The following UBR3 variants were observed in gnomAD, a reference collection of about 807,000 sequenced individuals.
The protein encoded by UBR3 is ubiquitin protein ligase E3 component n-recognin 3.
In UBR3, 85 loss-of-function variants were observed where a neutral mutation model predicts 243.2. That is an observed-to-expected ratio of 0.35 (90% confidence interval 0.29 to 0.42). UBR3 has a LOEUF of 0.42. UBR3 is among the 10% of genes least tolerant of loss of function. The pLI is 1.00. For synonymous variants in UBR3, 748 were observed against 799.8 expected, an observed-to-expected ratio of 0.94 and a Z score of 1.09; for missense variants, 1,686 against 2,300.8, an observed-to-expected ratio of 0.73 and a Z score of 5.47.
At chr2:169,902,004 G>A (rs949670337) in intron 8 of UBR3, among the ~76,000 whole-genome samples, 5 of 152,132 alleles carry the variant, frequency 3.3e-5, no homozygotes, top group East Asian at 1.9e-4. Flanking sequence ...TGTCCATAGC[G>A]AAGACTCATT....
chr2:169,902,337 A>G (rs1574159879), intron 8 of UBR3, among the ~76,000 whole-genome samples: 1 of 152,030 alleles, frequency 6.6e-6, no homozygotes, highest in East Asian at 1.9e-4. Context: ...TTTACATTAC[A>G]CTTCTTATAA....
chr2:170,008,709 T>A (rs1312096325), intron 28 of UBR3, 95 bp from the exon 29 acceptor site: 1 of 630,198 alleles, frequency 1.6e-6, no homozygotes, highest in Admixed American at 3.5e-5. Flanking sequence ...TAATTTTAAT[T>A]TCCTACTATG....
intron 11 of UBR3, among the ~76,000 whole-genome samples, chr2:169,921,987 A>G (rs111614730): frequency 4.6e-5 from 7 of 151,758 alleles, no homozygotes; most frequent in African/African-American, 1.7e-4. Context: ...CGAGACTCAA[A>G]AAAAGGGTCT....
chr2:169,937,913 G>C (rs941977106), intron 19 of UBR3, among the ~76,000 whole-genome samples: 1 of 152,180 alleles, frequency 6.6e-6, no homozygotes, highest in Admixed American at 6.5e-5. Flanking sequence ...AGAAGGAAAT[G>C]GTATTGGTGC....
At chr2:169,904,750 T>G (rs4668181) in intron 8 of UBR3, among the ~76,000 whole-genome samples, 148,687 of 152,196 alleles carry the variant, frequency 0.98, 72,712 homozygotes, top group East Asian at 1. Context: ...TTTATTGATT[T>G]CAACAGAAAA....
Position 169,901,685 on chromosome 2 carries a change from T to A in UBR3, c.1466-3429T>A, listed in dbSNP as rs1416450493. ...TACAATGAGAATTTGGCCACAGCGATAGCTGAAGACTAAAGGGAAAAAGCC... is the reference window on the plus strand; with the variant it reads ...TACAATGAGAATTTGGCCACAGCGAAAGCTGAAGACTAAAGGGAAAAAGCC... On this transcript the variant is annotated intron_variant, in intron 8 of 38. Transcript: ENST00000272793. Among the ~76,000 whole-genome samples, 9 of 152,346 alleles carry A rather than the reference T, an allele frequency of 5.9e-5. No homozygotes were observed. In the South Asian group the frequency reaches 1.4e-3, roughly 25 times the overall value.
rs544976437 is a variant in UBR3, at chr2:169,978,400, TG to T, written c.3635-8244del. ...TTTAGGTTGCCACAGAGTCAGGATCTGTGACTCTGAGGCACCTTCTAGCAGC... is the reference window on the plus strand; with the variant it reads ...TTTAGGTTGCCACAGAGTCAGGATCTTGACTCTGAGGCACCTTCTAGCAGC... On this transcript the variant is annotated intron_variant, in intron 24 of 38. Transcript: ENST00000272793. Among the ~76,000 whole-genome samples, 19 of 152,200 alleles carry T rather than the reference TG, an allele frequency of 1.2e-4. No individual in the cohort carries two copies. In the East Asian group the frequency reaches 3.7e-3, roughly 29 times the overall value.
chr2:169,891,617 C>CAA (rs989292292), intron 6 of UBR3, among the ~76,000 whole-genome samples: 2 of 151,222 alleles, frequency 1.3e-5, no homozygotes, highest in African/African-American at 4.9e-5. Flanking sequence ...GACAGAGACA[C>CAA]ACACACACAC....
chr2:170,044,411 A>G (rs1323241651), intron 32 of UBR3, among the ~76,000 whole-genome samples: 2 of 152,134 alleles, frequency 1.3e-5, no homozygotes, highest in African/African-American at 2.4e-5. Flanking sequence ...TTTTATGCCA[A>G]TTATCTCATC....
chr2:169,921,056 A>C (rs889177999), intron 11 of UBR3, among the ~76,000 whole-genome samples: 2 of 152,252 alleles, frequency 1.3e-5, no homozygotes, highest in Non-Finnish European at 2.9e-5. Flanking sequence ...ATACTTAAAA[A>C]ATAAGTAAAC....
chr2:170,021,489 T>C (rs988574851), intron 30 of UBR3, among the ~76,000 whole-genome samples: 1 of 152,120 alleles, frequency 6.6e-6, no homozygotes, highest in African/African-American at 2.4e-5. Flanking sequence ...GGGATCTCTT[T>C]TATAAGAGCA....
chr2:169,872,008 T>G (rs2083454980), intron 1 of UBR3, among the ~76,000 whole-genome samples: 1 of 152,104 alleles, frequency 6.6e-6, no homozygotes, highest in Non-Finnish European at 1.5e-5. Context: ...TGTATTCTAC[T>G]TGGAGTTTAA....
intron 1 of UBR3, among the ~76,000 whole-genome samples, chr2:169,856,815 G>A (rs1451308448): frequency 2.7e-5 from 4 of 146,882 alleles, no homozygotes; most frequent in African/African-American, 1.0e-4. Context: ...ATCAGAGGGA[G>A]ACCGTGCAAA....
Position 170,083,493 on chromosome 2 carries a change from C to T in UBR3, c.*1650C>T, listed in dbSNP as rs2091937313. 6.6e-6 allele frequency: 1 copy of T among 152,562 alleles called. No individual in the cohort carries two copies. Among genetic ancestry groups the T allele is most frequent in the Non-Finnish European group, 1.5e-5 (1 of 68,008 alleles). The allele number at this position is 152,562 out of a possible 1,614,324, so 9.5% of individuals were successfully genotyped here. On this transcript the variant is annotated 3_prime_UTR_variant, in exon 39 of 39. Coordinates refer to ENST00000272793, the MANE Select transcript of UBR3 (RefSeq NM_172070.4). ...ATACTGTATCATAAGTTCAGCCTGT[C>T]ATACTTTTTGCATTGATCGTTATGA...
At chr2:169,983,086 T>A in intron 24 of UBR3, among the ~76,000 whole-genome samples, 1 of 151,310 alleles carries the variant, frequency 6.6e-6, no homozygotes, top group East Asian at 1.9e-4. Flanking sequence ...GTTGAGAGAG[T>A]GAGAGCGAGA....
At chr2:170,031,247 C>T (rs1254094052) in intron 31 of UBR3, among the ~76,000 whole-genome samples, 1 of 152,054 alleles carries the variant, frequency 6.6e-6, no homozygotes, top group Non-Finnish European at 1.5e-5. Context: ...ACCCAGCTTT[C>T]TCTTCATTTT....
intron 1 of UBR3, among the ~76,000 whole-genome samples, chr2:169,870,521 C>CT (rs1000473722): frequency 1.2e-4 from 18 of 150,998 alleles, no homozygotes; most frequent in South Asian, 6.3e-4. Context: ...TATCATTAAC[C>CT]TTTTTTTTTC....
intron 24 of UBR3, chr2:169,964,466 T>G (rs752217674): frequency 4.3e-6 from 2 of 469,398 alleles, no homozygotes; most frequent in South Asian, 3.1e-5. Flanking sequence ...TGGTATTGCC[T>G]TGAATAAGAG....
chr2:169,943,637 C>T (rs1166583174), intron 20 of UBR3, among the ~76,000 whole-genome samples: 2 of 151,920 alleles, frequency 1.3e-5, no homozygotes, highest in African/African-American at 2.4e-5. Context: ...AAGAAAATAA[C>T]TATACTCATG....
Sources: allele counts gnomAD v4.1 joint callset (sites outside exome capture counted in the v4.1 genomes callset), GRCh38; gene constraint gnomAD v4.1.1; transcripts MANE v1.5; gene names NCBI Gene and HGNC (gene_info 2026-07-23, HGNC 2026-07-21).